The following DPP3 variants were observed in gnomAD, a reference collection of about 807,000 sequenced individuals.
DPP3 encodes dipeptidyl peptidase 3.
In DPP3, 64 loss-of-function variants were observed where a neutral mutation model predicts 89.8. The observed-to-expected ratio is 0.71, with a 90% confidence interval of 0.58 to 0.88. DPP3 has a LOEUF of 0.88. Among genes scored for constraint, DPP3 ranks in the 40% least tolerant of loss-of-function variants. DPP3 has a pLI of 0.00. For missense variants in DPP3, 835 were observed against 972.5 expected (o/e 0.86, Z 1.88); for synonymous variants, 377 against 404.3 (o/e 0.93, Z 0.81).
At position 66,493,114 on chromosome 11, in the gene DPP3, A is replaced by T; in HGVS notation, c.1231A>T (p.Asn411Tyr). 1 of 1,614,140 alleles carries T rather than the reference A, an allele frequency of 6.2e-7. No individual in the cohort carries two copies. Among genetic ancestry groups the T allele is most frequent in the Non-Finnish European group, 8.5e-7 (1 of 1,180,026 alleles). ...AGGCTTTAAGAACGTGTCGCTGGGG[A>T]ATGTGCTGGCTGTGGCCTACGCCAC... The part of the protein sequence containing the change: ...TEGFKNVSLG[N>Y]VLAVAYATQR... Residue 411 changes from asparagine (N) to tyrosine (Y), a missense_variant, in exon 11 of 18, where the codon AAT becomes TAT. Asn to Tyr is a moderately radical substitution (Grantham distance 143). Transcript: ENST00000531863.
intron 11 of DPP3, 144 bp from the exon 12 acceptor site, chr11:66,493,397 G>A (rs1229513304): frequency 3.4e-6 from 3 of 892,778 alleles, no homozygotes; most frequent in Non-Finnish European, 5.1e-6. Flanking sequence ...TTGCAAGGAT[G>A]AAATGGGCTG....
At chr11:66,506,480 C>T (rs1361303909) in intron 17 of DPP3, among the ~76,000 whole-genome samples, 1 of 152,072 alleles carries the variant, frequency 6.6e-6, no homozygotes, top group Non-Finnish European at 1.5e-5. Flanking sequence ...GTCTCGAACT[C>T]CTGACCTCAG....
intron 16 of DPP3, among the ~76,000 whole-genome samples, chr11:66,503,783 A>G (rs1855735013): frequency 6.6e-6 from 1 of 152,250 alleles, no homozygotes; most frequent in African/African-American, 2.4e-5. Flanking sequence ...GCTACTCAGG[A>G]GGCTGAGGTA....
intron 2 of DPP3, among the ~76,000 whole-genome samples, chr11:66,484,245 G>A (rs1565265881): frequency 6.6e-6 from 1 of 152,160 alleles, no homozygotes; most frequent in Non-Finnish European, 1.5e-5. Context: ...CAGAGTGCTT[G>A]GGATTACAGG....
intron 16 of DPP3, among the ~76,000 whole-genome samples, chr11:66,500,086 G>A (rs1855642684): frequency 1.3e-5 from 2 of 152,082 alleles, no homozygotes; most frequent in Non-Finnish European, 2.9e-5. Flanking sequence ...GAGCACAGTC[G>A]CTCACACCTG....
intron 4 of DPP3, 127 bp downstream of exon 4, chr11:66,486,804 C>CTCCCCACTGCAGGCCTCA: frequency 8.5e-7 from 1 of 1,177,606 alleles, no homozygotes; most frequent in Non-Finnish European, 1.1e-6. Flanking sequence ...GGCAATGCTG[C>CTCCCCACTGCAGGCCTCA]TCCCCACTGC....
rs1855873149 is a variant in DPP3, at chr11:66,508,956, T to C, written c.2042-123T>C. The C allele has an allele frequency of 2.4e-6, 3 of 1,255,138 alleles. No individual in the cohort carries two copies. In the Admixed American group the frequency reaches 6.6e-5, roughly 28 times the overall value. 77.8% of individuals were successfully genotyped at this position (1,255,138 alleles called of 1,614,324 possible). On this transcript the variant is annotated intron_variant, in intron 17 of 17. Coordinates refer to ENST00000531863, the MANE Select transcript of DPP3 (RefSeq NM_130443.4). The stretch of plus-strand genomic sequence containing the variant: ...ATTAACCTAAAACGTAGAGCACAGG[T>C]TTTTTTGGCAGAGCTCAGTAAGAAA...
rs536918372 is a variant in DPP3, at chr11:66,482,417, G to A, written c.217G>A (p.Asp73Asn). ...LSRLFRAQDP[D>N]QLRQHALAEG... Reference sequence around the variant, plus strand: ...CCGCCTCTTCCGCGCCCAGGACCCCGACCAGCTGCGCCAACATGCCCTGGC... The same window carrying A: ...CCGCCTCTTCCGCGCCCAGGACCCCAACCAGCTGCGCCAACATGCCCTGGC... The change falls in exon 2 of 18, where the codon GAC (aspartate) becomes AAC (asparagine). Residue 73 changes from aspartate to asparagine, a missense_variant. Physicochemically the swap from Asp to Asn is conservative, Grantham distance 23. Coordinates refer to ENST00000531863, the MANE Select transcript of DPP3 (RefSeq NM_130443.4). 49 of 1,609,486 alleles carry A rather than the reference G, an allele frequency of 3.0e-5. No homozygotes were observed. The highest frequency in any genetic ancestry group is 4.0e-5 in the Non-Finnish European group (47 of 1,180,022).
At chr11:66,490,670 T>G (rs1855354916) in intron 6 of DPP3, among the ~76,000 whole-genome samples, 1 of 152,206 alleles carries the variant, frequency 6.6e-6, no homozygotes, top group Admixed American at 6.5e-5. Flanking sequence ...CTCCCAGAGT[T>G]GGAGTCAGGC....
chr11:66,491,829 G>A, intron 9 of DPP3, 73 bp downstream of exon 9: 2 of 1,544,720 alleles, frequency 1.3e-6, no homozygotes, highest in Admixed American at 1.7e-5. Context: ...AGTGTCCCCT[G>A]ATGGTTCTCC....
In DPP3 at chr11:66,497,921, T is replaced by C. The variant is rs1245867956; in HGVS notation, c.1878+444T>C. On this transcript the variant is annotated intron_variant, in intron 16 of 17. Coordinates refer to ENST00000531863, the MANE Select transcript of DPP3 (RefSeq NM_130443.4). Reference sequence around the variant, plus strand: ...AAAAAAAAAAGAATAAGGACATCTTTTATTTATTTATTTGTTTGTTTATTT... The same window carrying C: ...AAAAAAAAAAGAATAAGGACATCTTCTATTTATTTATTTGTTTGTTTATTT... Among the ~76,000 whole-genome samples, 4 of 151,952 alleles carry C rather than the reference T, an allele frequency of 2.6e-5. No individual in the cohort carries two copies. The South Asian group carries it at 8.3e-4, about 32-fold the overall frequency.
chr11:66,502,721 C>T (rs1329302407), intron 16 of DPP3, among the ~76,000 whole-genome samples: 4 of 152,164 alleles, frequency 2.6e-5, no homozygotes, highest in Non-Finnish European at 4.4e-5. Context: ...GCCTCGGCCT[C>T]CCAAAGTGCT....
intron 16 of DPP3, among the ~76,000 whole-genome samples, chr11:66,500,477 C>T (rs1435954088): frequency 6.6e-6 from 1 of 152,138 alleles, no homozygotes; most frequent in Non-Finnish European, 1.5e-5. Flanking sequence ...AGGGAAGATG[C>T]TCAACCTTGT....
intron 2 of DPP3, among the ~76,000 whole-genome samples, 199 bp from the exon 3 acceptor site, chr11:66,484,974 C>G (rs1276045442): frequency 6.6e-6 from 1 of 152,118 alleles, no homozygotes; most frequent in Non-Finnish European, 1.5e-5. Flanking sequence ...TCAGTTAGGC[C>G]AGACAACGGG....
intron 16 of DPP3, among the ~76,000 whole-genome samples, chr11:66,500,062 A>G (rs760478002): frequency 1.5e-4 from 23 of 152,132 alleles, no homozygotes; most frequent in Non-Finnish European, 3.1e-4. Flanking sequence ...AAATAAATAA[A>G]GAACTTTTCA....
At position 66,495,418 on chromosome 11, in the gene DPP3, C is replaced by A; in HGVS notation, c.1506C>A (p.Ile502=). Residue 502 remains isoleucine, a synonymous_variant, in exon 14 of 18, where the codon ATC becomes ATA. Transcript: ENST00000531863. Reference sequence around the variant, plus strand: ...CCTGGGATAGCAAGTTCAGCACCATCGCCTCCAGCTACGAAGAGTGCCGGG... The same window carrying A: ...CCTGGGATAGCAAGTTCAGCACCATAGCCTCCAGCTACGAAGAGTGCCGGG... The part of the protein sequence containing the change: ...GETWDSKFST[I]ASSYEECRAE... The A allele has an allele frequency of 6.2e-7, 1 of 1,612,726 alleles. No individual in the cohort carries two copies. Among genetic ancestry groups the A allele is most frequent in the Non-Finnish European group, 8.5e-7 (1 of 1,179,348 alleles).
intron 6 of DPP3, among the ~76,000 whole-genome samples, chr11:66,490,847 G>A (rs1855363720): frequency 6.8e-6 from 1 of 147,434 alleles, no homozygotes; most frequent in Non-Finnish European, 1.5e-5. Flanking sequence ...TCAGCTCACT[G>A]CAACCACTGT....
chr11:66,505,809 T>TGA (rs1855785509), intron 17 of DPP3, among the ~76,000 whole-genome samples: 1 of 88,110 alleles, frequency 1.1e-5, no homozygotes, highest in Non-Finnish European at 2.4e-5. Context: ...CTCAACTCTT[T>TGA]AAAAAAAAAA....
In DPP3 at chr11:66,487,346, T is replaced by A; in HGVS notation, c.573+4T>A. 3 of 1,613,942 alleles carry A rather than the reference T, an allele frequency of 1.9e-6. No individual in the cohort carries two copies. Among genetic ancestry groups the A allele is most frequent in the Non-Finnish European group, 2.5e-6 (3 of 1,179,882 alleles). The stretch of plus-strand genomic sequence containing the variant: ...CCAGGACTTTCTGGACTCACAGGTT[T>A]GGGGTTAGGGGAGCTCAAGGTAGCA... On this transcript the variant is annotated splice_donor_region_variant and intron_variant, in intron 5 of 17. Coordinates refer to ENST00000531863, the MANE Select transcript of DPP3 (RefSeq NM_130443.4).
Sources: allele counts gnomAD v4.1 joint callset (sites outside exome capture counted in the v4.1 genomes callset), GRCh38; gene constraint gnomAD v4.1.1; transcripts MANE v1.5; gene names NCBI Gene and HGNC (gene_info 2026-07-23, HGNC 2026-07-21).